The following MLLT10 variants were observed in gnomAD, a reference collection of about 807,000 sequenced individuals.
MLLT10 encodes the protein MLLT10 histone lysine methyltransferase DOT1L cofactor.
MLLT10 carries 30 observed loss-of-function variants against 129.1 expected under a neutral mutation model. The ratio of observed to expected loss-of-function variants is 0.23; its 90% CI spans 0.17 to 0.32. The LOEUF is 0.32. MLLT10 is among the 10% of genes least tolerant of loss of function. MLLT10 has a pLI of 1.00. For synonymous variants in MLLT10, 490 were observed against 446.4 expected (o/e 1.10, Z -1.23); for missense variants, 1,119 against 1,268.3 (o/e 0.88, Z 1.79).
chr10:21,666,628 A>G (rs1192353834), intron 9 of MLLT10, among the ~76,000 whole-genome samples: 1 of 151,674 alleles, frequency 6.6e-6, no homozygotes, highest in East Asian at 1.9e-4. Flanking sequence ...GCACTACTGC[A>G]CTCCAGCCTG....
chr10:21,729,826 C>T (rs1172391056), intron 16 of MLLT10, among the ~76,000 whole-genome samples: 1 of 152,040 alleles, frequency 6.6e-6, no homozygotes, highest in East Asian at 1.9e-4. Context: ...AGCTGGAGAC[C>T]GGAAATGGCC....
chr10:21,542,236 A>G (rs756173254), intron 3 of MLLT10, among the ~76,000 whole-genome samples: 1 of 152,120 alleles, frequency 6.6e-6, no homozygotes. Flanking sequence ...CTCTGAGGAC[A>G]TGGTCAAAGT....
At chr10:21,605,470 G>A (rs1304286124) in intron 5 of MLLT10, among the ~76,000 whole-genome samples, 1 of 151,870 alleles carries the variant, frequency 6.6e-6, no homozygotes, top group Non-Finnish European at 1.5e-5. Flanking sequence ...TTTTGAGATA[G>A]GGTCTTGCTC....
intron 18 of MLLT10, 21 bp from the exon 19 acceptor site, chr10:21,733,477 GTTTCTT>G: frequency 7.4e-7 from 1 of 1,359,246 alleles, no homozygotes; most frequent in Non-Finnish European, 9.8e-7. Context: ...GGGTAAATAG[GTTTCTT>G]TTTGTCTTTT....
chr10:21,569,171 T>C (rs1189948061), intron 3 of MLLT10, among the ~76,000 whole-genome samples: 1 of 152,214 alleles, frequency 6.6e-6, no homozygotes, highest in African/African-American at 2.4e-5. Context: ...TAGAGTGTTG[T>C]ATAGTTAGTT....
rs537470724 is a variant in MLLT10, at chr10:21,662,626, A to G, written c.796-7823A>G. Among the ~76,000 whole-genome samples the G allele has an allele frequency of 2.0e-3, 303 of 152,252 alleles. 3 individuals are homozygous for G. Among genetic ancestry groups the G allele is most frequent in the African/African-American group, 7.0e-3 (290 of 41,554 alleles). Reference sequence around the variant, plus strand: ...CCTTTTCCATTAAATTCCTTATCATATTAATTATAGATTTCAAAAATTATT... The same window carrying G: ...CCTTTTCCATTAAATTCCTTATCATGTTAATTATAGATTTCAAAAATTATT... On this transcript the variant is annotated intron_variant, in intron 9 of 22. Coordinates refer to ENST00000307729, the MANE Select transcript of MLLT10 (RefSeq NM_001195626.3).
At chr10:21,720,402 G>A (rs796699865) in intron 14 of MLLT10, among the ~76,000 whole-genome samples, 1 of 152,354 alleles carries the variant, frequency 6.6e-6, no homozygotes, top group African/African-American at 2.4e-5. Flanking sequence ...AGCTGACACA[G>A]AAATGGGTCT....
At chr10:21,563,762 G>C (rs1333286572) in intron 3 of MLLT10, among the ~76,000 whole-genome samples, 1 of 151,410 alleles carries the variant, frequency 6.6e-6, no homozygotes, top group African/African-American at 2.4e-5. Flanking sequence ...TAGTAATTTT[G>C]ATAGGCGGGT....
At chr10:21,656,369 C>T (rs184607091) in intron 9 of MLLT10, among the ~76,000 whole-genome samples, 66 of 152,218 alleles carry the variant, frequency 4.3e-4, no homozygotes, top group African/African-American at 1.5e-3. Context: ...TATTTTGATA[C>T]ATGTACACAA....
chr10:21,534,761 G>T lies in MLLT10; in HGVS notation c.117G>T (p.Leu39=). 6.2e-7 allele frequency: 1 copy of T among 1,612,782 alleles called. No homozygotes were observed. The highest frequency in any genetic ancestry group is 1.1e-5 in the South Asian group (1 of 90,996). ...AGAGAGGCTGGGCCGAGAACCCGCT[G>T]GTTTATTGCGACGGGCACGGCTGCA... ...SDERGWAENP[L]VYCDGHGCSV... is the part of the protein sequence containing the mutation. The change falls in exon 2 of 23, where the codon CTG becomes CTT. Residue 39 remains leucine (L), a synonymous_variant. Coordinates refer to ENST00000307729, the MANE Select transcript of MLLT10 (RefSeq NM_001195626.3).
At chr10:21,703,012 T>C (rs575883878) in intron 13 of MLLT10, among the ~76,000 whole-genome samples, 77 of 152,268 alleles carry the variant, frequency 5.1e-4, no homozygotes, top group Non-Finnish European at 8.5e-4. Flanking sequence ...TTTTTGTCGT[T>C]GTGGTTTTGT....
chr10:21,578,793 A>G (rs1201296378), intron 3 of MLLT10, among the ~76,000 whole-genome samples: 1 of 152,136 alleles, frequency 6.6e-6, no homozygotes, highest in African/African-American at 2.4e-5. Context: ...TTGTTCTTTT[A>G]TATCACCTCT....
intron 14 of MLLT10, among the ~76,000 whole-genome samples, chr10:21,716,460 C>T (rs556001783): frequency 7.3e-5 from 11 of 151,646 alleles, no homozygotes; most frequent in Middle Eastern, 3.4e-3. Flanking sequence ...TGGGAGGCCA[C>T]GGTGGGTGGA....
rs1453530129 is a variant in MLLT10 at position 21,673,861 on chromosome 10, A to G, written c.1563A>G (p.Thr521=). The stretch of plus-strand genomic sequence containing the variant: ...GCTCTAGTCTGCAGAAATCTCCTAC[A>G]TTGCTCAGGAATGGAAGTTTACAGA... ...ITSSSLQKSP[T]LLRNGSLQSL... is the part of the protein sequence containing the mutation. Residue 521 remains threonine, a synonymous_variant, in exon 11 of 23, where the codon ACA becomes ACG. Coordinates refer to ENST00000307729, the MANE Select transcript of MLLT10 (RefSeq NM_001195626.3). 3.1e-6 allele frequency: 5 copies of G among 1,613,808 alleles called. No homozygotes were observed. Among genetic ancestry groups the G allele is most frequent in the Non-Finnish European group, 4.2e-6 (5 of 1,179,854 alleles).
intron 5 of MLLT10, 82 bp downstream of exon 5, chr10:21,595,522 G>A (rs1461453944): frequency 1.9e-6 from 2 of 1,062,550 alleles, no homozygotes; most frequent in East Asian, 2.5e-5. Flanking sequence ...TAAAATCACA[G>A]GTCTCCATCA....
At chr10:21,658,977 AT>A (rs1435875569) in intron 9 of MLLT10, among the ~76,000 whole-genome samples, 2 of 151,664 alleles carry the variant, frequency 1.3e-5, no homozygotes, top group African/African-American at 4.8e-5. Flanking sequence ...GTATCTTTTT[AT>A]GTGCATATTT....
chr10:21,687,848 C>G (rs1323370820), intron 13 of MLLT10, among the ~76,000 whole-genome samples: 1 of 152,130 alleles, frequency 6.6e-6, no homozygotes, highest in Non-Finnish European at 1.5e-5. Flanking sequence ...AGACAGAACA[C>G]ATGATGAAAT....
rs372054396 is a variant in MLLT10 at position 21,697,188 on chromosome 10, C to T, written c.1699+14931C>T. On this transcript the variant is annotated intron_variant, in intron 13 of 22. Coordinates refer to ENST00000307729, the MANE Select transcript of MLLT10 (RefSeq NM_001195626.3). ...AGGGAATTAAAAGACAGAAATAGGC[C>T]GGGCATGGTGGCTCATGCCTGTAAT... Among the ~76,000 whole-genome samples, 738 of 151,368 alleles carry T rather than the reference C, an allele frequency of 4.9e-3. 6 individuals are homozygous for T. Among genetic ancestry groups the T allele is most frequent in the Admixed American group, 0.014 (213 of 15,196 alleles).
At chr10:21,682,159 C>A in intron 12 of MLLT10, 66 bp from the exon 13 acceptor site, 3 of 1,297,810 alleles carry the variant, frequency 2.3e-6, no homozygotes, top group Non-Finnish European at 3.3e-6. Flanking sequence ...CAGTGTATGG[C>A]TATGTATTTC....
Sources: gnomAD v4.1 joint callset for allele counts (sites outside exome capture counted in the v4.1 genomes callset) on GRCh38, gnomAD v4.1.1 for gene constraint, MANE v1.5 for transcripts, NCBI Gene and HGNC (gene_info 2026-07-23, HGNC 2026-07-21) for gene names.